Variants in CHRM3 observed in about 807,000 individuals in gnomAD.
The protein encoded by CHRM3 is muscarinic acetylcholine receptor M3.
CHRM3 carries 11 observed loss-of-function variants against 41.8 expected under a neutral mutation model. That is an observed-to-expected ratio of 0.26 (90% CI 0.17 to 0.44). CHRM3 has a LOEUF of 0.44. Among genes scored for constraint, CHRM3 ranks in the 20% least tolerant of loss-of-function variants. CHRM3 has a pLI of 1.00. For synonymous variants in CHRM3, 297 were observed against 301.4 expected, an observed-to-expected ratio of 0.99 and a Z score of 0.15; for missense variants, 571 against 745.4, an observed-to-expected ratio of 0.77 and a Z score of 2.72.
intron 3 of CHRM3, among the ~76,000 whole-genome samples, chr1:239,547,049 T>C (rs1407078683): frequency 6.6e-6 from 1 of 152,192 alleles, no homozygotes; most frequent in Admixed American, 6.5e-5. Context: ...ACCAGGCTTA[T>C]GCAATGAAAC....
chr1:239,831,546 G>T (rs1672896914), intron 6 of CHRM3, among the ~76,000 whole-genome samples: 1 of 152,132 alleles, frequency 6.6e-6, no homozygotes, highest in South Asian at 2.1e-4. Flanking sequence ...AGAAAAATAA[G>T]AACTCATCCT....
intron 3 of CHRM3, among the ~76,000 whole-genome samples, chr1:239,618,625 A>G (rs530744948): frequency 7.9e-5 from 12 of 151,816 alleles, no homozygotes; most frequent in Admixed American, 2.0e-4. Flanking sequence ...CGGTCGGATC[A>G]CGAGGTCAGG....
chr1:239,798,495 A>G (rs928294580), intron 5 of CHRM3, among the ~76,000 whole-genome samples: 1 of 152,188 alleles, frequency 6.6e-6, no homozygotes, highest in Non-Finnish European at 1.5e-5. Flanking sequence ...CCATGCACAC[A>G]GCAGACACTC....
intron 1 of CHRM3, among the ~76,000 whole-genome samples, chr1:239,398,297 A>G (rs187448554): frequency 4.8e-4 from 73 of 152,254 alleles, no homozygotes; most frequent in Non-Finnish European, 7.1e-4. Context: ...GTACAATGGC[A>G]TGATCTTGGC....
chr1:239,642,041 A>T (rs1171226003), intron 4 of CHRM3, among the ~76,000 whole-genome samples: 6 of 127,432 alleles, frequency 4.7e-5, no homozygotes, highest in Non-Finnish European at 8.3e-5. Context: ...GTTTGGCTGG[A>T]TATGAAATTC....
At chr1:239,793,220 G>A (rs1669489633) in intron 5 of CHRM3, among the ~76,000 whole-genome samples, 1 of 152,168 alleles carries the variant, frequency 6.6e-6, no homozygotes, top group Admixed American at 6.5e-5. Flanking sequence ...TCATTCTCCA[G>A]GGAATACTTC....
intron 1 of CHRM3, among the ~76,000 whole-genome samples, chr1:239,479,654 G>T (rs565111252): frequency 1.6e-4 from 24 of 152,256 alleles, no homozygotes; most frequent in African/African-American, 5.5e-4. Context: ...TTGCTCCTAG[G>T]CTACAAACCT....
chr1:239,635,049 C>T (rs1670309524), intron 4 of CHRM3, among the ~76,000 whole-genome samples: 1 of 152,178 alleles, frequency 6.6e-6, no homozygotes, highest in South Asian at 2.1e-4. Flanking sequence ...GCCATTGAAA[C>T]TAAGAGTGAC....
chr1:239,488,853 C>G (rs912276223), intron 1 of CHRM3, among the ~76,000 whole-genome samples: 1 of 151,374 alleles, frequency 6.6e-6, no homozygotes, highest in Non-Finnish European at 1.5e-5. Context: ...TACAATTTCC[C>G]CTGTATAAAT....
chr1:239,605,650 C>G (rs1046453194), intron 3 of CHRM3, among the ~76,000 whole-genome samples: 44 of 152,118 alleles, frequency 2.9e-4, no homozygotes, highest in Non-Finnish European at 1.0e-4. Flanking sequence ...GAATTACAGT[C>G]TGATAATTCC....
chr1:239,465,666 G>A (rs1214517891), intron 1 of CHRM3, among the ~76,000 whole-genome samples: 2 of 152,060 alleles, frequency 1.3e-5, no homozygotes, highest in African/African-American at 4.8e-5. Context: ...TCGTATCTTC[G>A]TGGTCACATG....
rs5782102 is a variant in CHRM3, at chr1:239,806,417, T to TACACACACACACAC, written c.-146-20822_-146-20809dup. Among the ~76,000 whole-genome samples the TACACACACACACAC allele has an allele frequency of 4.4e-4, 65 of 146,130 alleles. 1 individual carries two copies. Among genetic ancestry groups the TACACACACACACAC allele is most frequent in the African/African-American group, 1.5e-3 (56 of 38,612 alleles). On this transcript the variant is annotated intron_variant, in intron 5 of 6. Transcript: ENST00000676153. ...CACCTGTGGACATCCAGGATGGAGTTACACACACACACACACACACACACA... is the reference window on the plus strand; with the variant it reads ...CACCTGTGGACATCCAGGATGGAGTTACACACACACACACACACACACACACACACACACACACA...
chr1:239,431,338 T>A (rs750414625), intron 1 of CHRM3, among the ~76,000 whole-genome samples: 1 of 152,216 alleles, frequency 6.6e-6, no homozygotes, highest in Non-Finnish European at 1.5e-5. Context: ...GTTTTTCATT[T>A]GCAGGAAAAA....
intron 5 of CHRM3, among the ~76,000 whole-genome samples, chr1:239,773,048 T>C (rs936669879): frequency 1.3e-5 from 2 of 152,202 alleles, no homozygotes; most frequent in African/African-American, 2.4e-5. Context: ...TGTTTTGAGA[T>C]TCTTAGTGAT....
intron 4 of CHRM3, among the ~76,000 whole-genome samples, chr1:239,657,059 A>T (rs1474270755): frequency 6.6e-6 from 1 of 152,240 alleles, no homozygotes. Flanking sequence ...CTATACTGGT[A>T]CAAGGAACTA....
chr1:239,608,121 A>C (rs1176127583), intron 3 of CHRM3, among the ~76,000 whole-genome samples: 1 of 152,220 alleles, frequency 6.6e-6, no homozygotes, highest in Non-Finnish European at 1.5e-5. Flanking sequence ...TATCATAATA[A>C]ATGTAAAAAA....
At chr1:239,594,884 G>C (rs1035571400) in intron 3 of CHRM3, among the ~76,000 whole-genome samples, 1 of 152,190 alleles carries the variant, frequency 6.6e-6, no homozygotes, top group African/African-American at 2.4e-5. Context: ...GAGGTCAGGA[G>C]TTTGAGACCA....
intron 5 of CHRM3, among the ~76,000 whole-genome samples, chr1:239,788,963 C>G (rs141573277): frequency 2.0e-3 from 311 of 151,996 alleles, no homozygotes; most frequent in African/African-American, 6.7e-3. Flanking sequence ...CTCTAAAATC[C>G]CAGTGGATTA....
At chr1:239,807,847 TAC>T (rs376416140) in intron 5 of CHRM3, among the ~76,000 whole-genome samples, 2 of 138,110 alleles carry the variant, frequency 1.4e-5, no homozygotes, top group South Asian at 2.3e-4. Context: ...CACACACACA[TAC>T]ACACACACAC....
Sources: gnomAD v4.1 joint callset for allele counts (sites outside exome capture counted in the v4.1 genomes callset) on GRCh38, gnomAD v4.1.1 for gene constraint, MANE v1.5 for transcripts, NCBI Gene and HGNC (gene_info 2026-07-23, HGNC 2026-07-21) for gene names.